The following TBXAS1 variants were observed in gnomAD, a reference collection of about 807,000 sequenced individuals.
TBXAS1 encodes thromboxane A synthase 1, also known as thromboxane-A synthase.
TBXAS1 carries 48 observed loss-of-function variants against 60.7 expected under a neutral mutation model. The ratio of observed to expected loss-of-function variants is 0.79; its 90% CI spans 0.63 to 1.01. The LOEUF (loss-of-function observed/expected upper bound fraction) is 1.01, where lower values mean the gene tolerates loss of function less well. Among genes scored for constraint, TBXAS1 ranks in the 50% least tolerant of loss-of-function variants. TBXAS1 has a pLI of 0.00. For missense variants in TBXAS1, 685 were observed against 686.3 expected, an observed-to-expected ratio of 1.00 and a Z score of 0.02; for synonymous variants, 287 against 269.7, an observed-to-expected ratio of 1.06 and a Z score of -0.63.
chr7:139,819,766 G>T (rs1212473590), intron 4 of TBXAS1, among the ~76,000 whole-genome samples: 4 of 152,064 alleles, frequency 2.6e-5, no homozygotes, highest in African/African-American at 9.7e-5. Flanking sequence ...GCCTCCTAAA[G>T]TGCTGGAATT....
intron 4 of TBXAS1, among the ~76,000 whole-genome samples, chr7:139,924,922 C>T (rs1396848848): frequency 6.6e-6 from 1 of 152,116 alleles, no homozygotes; most frequent in African/African-American, 2.4e-5. Flanking sequence ...CTGTCCTTTT[C>T]TCAATATTTC....
intron 3 of TBXAS1, among the ~76,000 whole-genome samples, chr7:139,879,862 GT>G: frequency 6.9e-6 from 1 of 145,238 alleles, no homozygotes; most frequent in Admixed American, 6.7e-5. Flanking sequence ...GTGTGTGTGT[GT>G]GTGTGTGTGT....
chr7:140,017,309 T>C (rs751282943), intron 11 of TBXAS1, among the ~76,000 whole-genome samples: 5 of 152,096 alleles, frequency 3.3e-5, no homozygotes, highest in Non-Finnish European at 7.4e-5. Flanking sequence ...GGTGGCGCCA[T>C]GGGCCCAGGT....
intron 3 of TBXAS1, among the ~76,000 whole-genome samples, chr7:139,890,386 T>A (rs1803498195): frequency 6.6e-6 from 1 of 151,764 alleles, no homozygotes; most frequent in African/African-American, 2.4e-5. Flanking sequence ...CGGCTAATTT[T>A]TTGTATTTTT....
At chr7:139,912,943 A>G in intron 4 of TBXAS1, 1 of 600,546 alleles carries the variant, frequency 1.7e-6, no homozygotes, top group South Asian at 1.9e-5. Context: ...GCCATCTCTC[A>G]ACTTAAGTCT....
At chr7:139,944,269 G>A (rs1423709014) in intron 5 of TBXAS1, among the ~76,000 whole-genome samples, 1 of 152,192 alleles carries the variant, frequency 6.6e-6, no homozygotes, top group Non-Finnish European at 1.5e-5. Context: ...GGAATGAGCT[G>A]CAGGAATCAA....
At chr7:139,930,818 C>A (rs1807261601) in intron 4 of TBXAS1, among the ~76,000 whole-genome samples, 3 of 152,048 alleles carry the variant, frequency 2.0e-5, no homozygotes, top group South Asian at 4.1e-4. Context: ...AGGCTGCGGG[C>A]AGGGAAATCA....
At chr7:139,876,721 T>C (rs1321216685) in intron 3 of TBXAS1, among the ~76,000 whole-genome samples, 1 of 152,178 alleles carries the variant, frequency 6.6e-6, no homozygotes, top group Non-Finnish European at 1.5e-5. Flanking sequence ...GAAAAAGTAA[T>C]AAATTAAGAT....
In TBXAS1 at chr7:139,865,585, A is replaced by AAGGAGGAGGAGGAGG. The variant is rs1267186805; in HGVS notation, c.90-6645_90-6631dup. 1.4e-4 allele frequency among the ~76,000 whole-genome samples: 7 copies of AAGGAGGAGGAGGAGG among 51,234 alleles called. No homozygotes were observed. In the South Asian group the frequency reaches 2.0e-3, roughly 15 times the overall value. 33.6% of individuals were successfully genotyped at this position (51,234 alleles called of 152,430 possible). A position where few individuals can be genotyped will look rare whatever the true frequency, so the allele number is the denominator to read the frequency against. ...GGAATGAGGGGGAGGGAGGAAGAAG[A>AAGGAGGAGGAGGAGG]AGGAGGAGGAGGAGGAGGAAGAGGA... is the stretch of plus-strand genomic sequence containing the variant. On this transcript the variant is annotated intron_variant, in intron 1 of 12. Transcript: ENST00000448866.
chr7:139,955,395 G>T (rs1809765966), intron 6 of TBXAS1, 64 bp from the exon 7 acceptor site: 14 of 1,606,012 alleles, frequency 8.7e-6, no homozygotes, highest in South Asian at 1.1e-5. Context: ...CTCCTCTGGA[G>T]GGGGCCATTG....
intron 3 of TBXAS1, among the ~76,000 whole-genome samples, chr7:139,783,451 A>G (rs1384449108): frequency 6.6e-6 from 1 of 152,150 alleles, no homozygotes; most frequent in African/African-American, 2.4e-5. Flanking sequence ...GGAATGGCAG[A>G]TTAGGATGGA....
intron 4 of TBXAS1, among the ~76,000 whole-genome samples, chr7:139,932,482 G>T (rs1257010211): frequency 6.6e-6 from 1 of 151,780 alleles, no homozygotes; most frequent in Non-Finnish European, 1.5e-5. Flanking sequence ...CTTCAGATGA[G>T]CTGAAATTTT....
chr7:139,976,821 T>A (rs1291955848), intron 9 of TBXAS1, among the ~76,000 whole-genome samples: 1 of 152,126 alleles, frequency 6.6e-6, no homozygotes, highest in Non-Finnish European at 1.5e-5. Context: ...CATAGTGACA[T>A]TGGGTTGCAT....
intron 9 of TBXAS1, among the ~76,000 whole-genome samples, chr7:140,003,765 C>T (rs1426729658): frequency 6.6e-6 from 1 of 152,088 alleles, no homozygotes; most frequent in Non-Finnish European, 1.5e-5. Flanking sequence ...GTGTACCGCA[C>T]CTCTGTTTCT....
intron 12 of TBXAS1, among the ~76,000 whole-genome samples, 177 bp downstream of exon 12, chr7:140,018,010 T>C (rs1193191684): frequency 6.6e-6 from 1 of 152,182 alleles, no homozygotes; most frequent in Non-Finnish European, 1.5e-5. Context: ...GGGGTGATAA[T>C]AATAACACCC....
At position 140,017,661 on chromosome 7, in the gene TBXAS1, G is replaced by A. The variant is rs765137338; in HGVS notation, c.1365-10G>A. Reference sequence around the variant, plus strand: ...TGTTCTGGGCCAGCCCTGACCACACGGACCTGCAGGTTCACGGCTGAGGCC... The same window carrying A: ...TGTTCTGGGCCAGCCCTGACCACACAGACCTGCAGGTTCACGGCTGAGGCC... On this transcript the variant is annotated splice_polypyrimidine_tract_variant and intron_variant, in intron 11 of 12. Coordinates refer to ENST00000448866, the MANE Select transcript of TBXAS1 (RefSeq NM_001061.7). 6.5e-5 allele frequency: 105 copies of A among 1,612,314 alleles called. No homozygotes were observed. The highest frequency in any genetic ancestry group is 6.7e-5 in the Admixed American group (4 of 59,974).
chr7:139,922,532 T>C (rs1281933711), intron 4 of TBXAS1, among the ~76,000 whole-genome samples: 2 of 152,248 alleles, frequency 1.3e-5, no homozygotes, highest in Non-Finnish European at 2.9e-5. Flanking sequence ...TGTTTTTCTT[T>C]GCATGTTCTG....
chr7:139,802,420 A>G (rs1015294580), intron 4 of TBXAS1, among the ~76,000 whole-genome samples: 1 of 152,124 alleles, frequency 6.6e-6, no homozygotes, highest in Non-Finnish European at 1.5e-5. Flanking sequence ...TCATTGAATC[A>G]TGGGGGTGTG....
At chr7:139,918,606 G>A (rs1020212394) in intron 4 of TBXAS1, among the ~76,000 whole-genome samples, 4 of 152,156 alleles carry the variant, frequency 2.6e-5, no homozygotes, top group African/African-American at 9.7e-5. Context: ...TGTCAGCTTT[G>A]GGGCTGATAG....
Sources: gnomAD v4.1 joint callset for allele counts (sites outside exome capture counted in the v4.1 genomes callset) on GRCh38, gnomAD v4.1.1 for gene constraint, MANE v1.5 for transcripts, NCBI Gene and HGNC (gene_info 2026-07-23, HGNC 2026-07-21) for gene names.